Variants in SMAGP observed in about 807,000 individuals in gnomAD.
SMAGP encodes small cell adhesion glycoprotein.
SMAGP carries 7 observed loss-of-function variants against 10.1 expected under a neutral mutation model. The ratio of observed to expected loss-of-function variants is 0.70; its 90% CI spans 0.40 to 1.31. The LOEUF (loss-of-function observed/expected upper bound fraction) is 1.31. Among genes scored for constraint, SMAGP ranks in the 50% most tolerant of loss-of-function variants. The probability of loss-of-function intolerance (pLI) is 0.01; values close to 1 mark genes in which losing one functional copy is unlikely to be tolerated. For synonymous variants in SMAGP, 49 were observed against 47.2 expected (o/e 1.04, Z -0.16); for missense variants, 113 against 116.5 (o/e 0.97, Z 0.14).
Position 51,245,303 on chromosome 12 carries a change from A to C in SMAGP, c.*638T>G, listed in dbSNP as rs1431786484. 6.6e-6 allele frequency: 1 copy of C among 152,626 alleles called. No homozygotes were observed. The highest frequency in any genetic ancestry group is 2.4e-5 in the African/African-American group (1 of 41,464). The allele number at this position is 152,626 out of a possible 1,614,324, so 9.5% of individuals were successfully genotyped here. On this transcript the variant is annotated 3_prime_UTR_variant, in exon 4 of 4. Coordinates refer to ENST00000603798, the MANE Select transcript of SMAGP (RefSeq NM_001031628.2). ...GAAAAGAAAATGTCAAAAATGTTTAAGCAAAAATAAGTCAAAATGTAGTTA... is the reference window on the plus strand; with the variant it reads ...GAAAAGAAAATGTCAAAAATGTTTACGCAAAAATAAGTCAAAATGTAGTTA...
intron 3 of SMAGP, 169 bp from the exon 4 acceptor site, chr12:51,246,288 G>A (rs1944769301): frequency 4.4e-6 from 4 of 917,160 alleles, no homozygotes; most frequent in Non-Finnish European, 6.4e-6. Flanking sequence ...AATTTCCATG[G>A]CACATAATAG....
At chr12:51,268,504 A>G (rs1174026112) in intron 2 of SMAGP, among the ~76,000 whole-genome samples, 2 of 152,104 alleles carry the variant, frequency 1.3e-5, no homozygotes, top group Non-Finnish European at 2.9e-5. Flanking sequence ...ATAGCTATAA[A>G]TTATTAGACA....
rs576521354 is a variant in SMAGP, at chr12:51,255,872, C to T, written c.35-9041G>A. ...TTGCAGCCTCCGCCTCCCGGGTTCACGCAATTTTCCTGCCTCAGACTCCCA... is the reference window on the plus strand; with the variant it reads ...TTGCAGCCTCCGCCTCCCGGGTTCATGCAATTTTCCTGCCTCAGACTCCCA... On this transcript the variant is annotated intron_variant, in intron 2 of 3. Transcript: ENST00000603798. Among the ~76,000 whole-genome samples the T allele has an allele frequency of 3.3e-5, 5 of 152,168 alleles. No homozygotes were observed. In the South Asian group the frequency reaches 6.2e-4, roughly 19 times the overall value.
At chr12:51,247,525 C>A (rs540589496) in intron 2 of SMAGP, among the ~76,000 whole-genome samples, 1 of 152,236 alleles carries the variant, frequency 6.6e-6, no homozygotes, top group African/African-American at 2.4e-5. Flanking sequence ...AAAGTCCCAC[C>A]CTAAAGTCAT....
chr12:51,258,269 C>T (rs1429583479), intron 2 of SMAGP, among the ~76,000 whole-genome samples: 1 of 152,096 alleles, frequency 6.6e-6, no homozygotes, highest in African/African-American at 2.4e-5. Flanking sequence ...GAGTAAATAG[C>T]ATCAGAAAAC....
intron 2 of SMAGP, among the ~76,000 whole-genome samples, chr12:51,257,689 T>C (rs1944898252): frequency 6.6e-6 from 1 of 152,086 alleles, no homozygotes; most frequent in Admixed American, 6.6e-5. Flanking sequence ...GGATTACAGG[T>C]ACCCACCACT....
chr12:51,245,675 C>T lies in SMAGP; in HGVS notation c.*266G>A. The T allele has an allele frequency of 2.4e-6, 1 of 422,654 alleles. No homozygotes were observed. Among genetic ancestry groups the T allele is most frequent in the African/African-American group, 2.0e-5 (1 of 51,164 alleles). The allele number at this position is 422,654 out of a possible 1,614,324, so 26.2% of individuals were successfully genotyped here. ...GATGACTGGGCACATACTCAGATGT[C>T]CCCTGGCATAGCCACATCTTGTTGG... On this transcript the variant is annotated 3_prime_UTR_variant, in exon 4 of 4. Transcript: ENST00000603798.
In SMAGP at chr12:51,245,724, T is replaced by C. The variant is rs1944759051; in HGVS notation, c.*217A>G. ...GGCCAGTCACAAACACCAGCTCTAG[T>C]AAGAGGGCCTGGTTAAAGATATCAT... On this transcript the variant is annotated 3_prime_UTR_variant, in exon 4 of 4. Transcript: ENST00000603798. 2 of 520,076 alleles carry C rather than the reference T, an allele frequency of 3.8e-6. No individual in the cohort carries two copies. The highest frequency in any genetic ancestry group is 1.9e-5 in the African/African-American group (1 of 52,896). 32.2% of individuals were successfully genotyped at this position (520,076 alleles called of 1,614,324 possible). A position where few individuals can be genotyped will look rare whatever the true frequency, so the allele number is the denominator to read the frequency against.
intron 2 of SMAGP, among the ~76,000 whole-genome samples, chr12:51,258,331 C>G (rs1406991859): frequency 4.6e-5 from 7 of 152,150 alleles, no homozygotes; most frequent in African/African-American, 1.4e-4. Context: ...CCTGTAATCC[C>G]AGCATTTTGG....
At chr12:51,260,462 C>T (rs2884709) in intron 2 of SMAGP, among the ~76,000 whole-genome samples, 106,467 of 150,990 alleles carry the variant, frequency 0.71, 39,889 homozygotes, top group Non-Finnish European at 0.85. Flanking sequence ...CTGCAAGCTC[C>T]GCCTCCCAGG....
chr12:51,268,584 T>TTTCCTCCCTCCTCCC (rs1944997520), intron 2 of SMAGP, among the ~76,000 whole-genome samples: 1 of 22,206 alleles, frequency 4.5e-5, no homozygotes, highest in Non-Finnish European at 1.4e-4. Flanking sequence ...CTTCCTTTCC[T>TTTCCTCCCTCCTCCC]TTCCTCCCTC....
At chr12:51,263,304 A>G (rs1944945234) in intron 2 of SMAGP, among the ~76,000 whole-genome samples, 1 of 150,586 alleles carries the variant, frequency 6.6e-6, no homozygotes, top group Non-Finnish European at 1.5e-5. Flanking sequence ...AATTGCTTGA[A>G]CCCGGGAGGC....
rs377338392 is a variant in SMAGP at position 51,246,757 on chromosome 12, T to G, written c.109A>C (p.Ile37Leu). 1.1e-5 allele frequency: 18 copies of G among 1,581,296 alleles called. No individual in the cohort carries two copies. Among genetic ancestry groups the G allele is most frequent in the Non-Finnish European group, 1.5e-5 (18 of 1,164,248 alleles). The change falls in exon 3 of 4, where the codon ATT becomes CTT. Residue 37 changes from isoleucine to leucine, a missense_variant. Ile to Leu is a conservative substitution (Grantham distance 5). Coordinates refer to ENST00000603798, the MANE Select transcript of SMAGP (RefSeq NM_001031628.2). ...SPEDGASTAL[I>L]AVVITVVFLT... is the part of the protein sequence containing the mutation. ...TTGGCTCAGAGTCTATTACCTGCAA[T>G]GAGTGCTGTGCTGGCTCCATCTTCT...
chr12:51,264,456 T>C (rs536025287), intron 2 of SMAGP, among the ~76,000 whole-genome samples: 3 of 151,892 alleles, frequency 2.0e-5, no homozygotes, highest in Admixed American at 6.6e-5. Context: ...CAAAACCCTA[T>C]CTCTACAAAA....
intron 2 of SMAGP, among the ~76,000 whole-genome samples, chr12:51,250,513 T>TGG (rs1944828037): frequency 1.2e-4 from 3 of 24,528 alleles, no homozygotes; most frequent in Non-Finnish European, 3.7e-4. Flanking sequence ...TTTTTTTTGT[T>TGG]TTTTTTTTGT....
intron 2 of SMAGP, among the ~76,000 whole-genome samples, chr12:51,254,300 G>C (rs1479734748): frequency 6.6e-6 from 1 of 152,182 alleles, no homozygotes; most frequent in East Asian, 1.9e-4. Context: ...TGTAATCCCA[G>C]CACTTTGGGA....
At chr12:51,265,367 C>G (rs892438486) in intron 2 of SMAGP, among the ~76,000 whole-genome samples, 18 of 152,136 alleles carry the variant, frequency 1.2e-4, no homozygotes, top group Admixed American at 1.0e-3. Context: ...CACTTCTGAG[C>G]ATACATCCCA....
At chr12:51,255,372 T>A (rs1174889277) in intron 2 of SMAGP, among the ~76,000 whole-genome samples, 1 of 152,168 alleles carries the variant, frequency 6.6e-6, no homozygotes, top group Non-Finnish European at 1.5e-5. Context: ...TCTCAAACTT[T>A]CTTGTGCATA....
chr12:51,254,882 G>A lies in SMAGP; in HGVS notation c.35-8051C>T, dbSNP rs375823872. On this transcript the variant is annotated intron_variant, in intron 2 of 3. Coordinates refer to ENST00000603798, the MANE Select transcript of SMAGP (RefSeq NM_001031628.2). ...TTAAATGCACAGTATGGAGGCCCCT[G>A]AGTGGGAGTAACGGGGAGAGGAGGA... Among the ~76,000 whole-genome samples, 72 of 152,250 alleles carry A rather than the reference G, an allele frequency of 4.7e-4. 2 individuals are homozygous for A. The South Asian group carries it at 0.015, about 31-fold the overall frequency.
Sources: allele counts gnomAD v4.1 joint callset (sites outside exome capture counted in the v4.1 genomes callset), GRCh38; gene constraint gnomAD v4.1.1; transcripts MANE v1.5; gene names NCBI Gene and HGNC (gene_info 2026-07-23, HGNC 2026-07-21).